The following BUD31 variants were observed in gnomAD, a reference collection of about 807,000 sequenced individuals.
The protein encoded by BUD31 is BUD31 spliceosome associated protein, also known as protein BUD31 homolog.
A neutral mutation model predicts 17.9 loss-of-function variants in BUD31; 9 were observed. The ratio of observed to expected loss-of-function variants is 0.50; its 90% CI spans 0.30 to 0.88. The LOEUF is 0.88. Among genes scored for constraint, BUD31 ranks in the 40% least tolerant of loss-of-function variants. The pLI is 0.06. For synonymous variants in BUD31, 70 were observed against 64.7 expected (o/e 1.08, Z -0.39); for missense variants, 148 against 184.5 (o/e 0.80, Z 1.15).
chr7:99,413,246 CT>C (rs1193954149), intron 3 of BUD31, among the ~76,000 whole-genome samples: 3 of 152,078 alleles, frequency 2.0e-5, no homozygotes, highest in African/African-American at 7.2e-5. Context: ...ACTCTTCGCC[CT>C]TCTGTTCTTC....
chr7:99,411,183 G>C lies in BUD31; in HGVS notation c.91G>C (p.Glu31Gln). ...GGATGAATTAGATCAAAAGATGAGAGAAGGTGAGTAGGGGAGTTCCTGTCT... is the reference window on the plus strand; with the variant it reads ...GGATGAATTAGATCAAAAGATGAGACAAGGTGAGTAGGGGAGTTCCTGTCT... ...TLDELDQKMR[E>Q]AETEPHEGKR... The change falls in exon 3 of 6, where the codon GAA (glutamate) becomes CAA (glutamine). Residue 31 changes from glutamate (E) to glutamine (Q), a missense_variant. Transcript: ENST00000222969. The C allele has an allele frequency of 6.2e-7, 1 of 1,613,708 alleles. No individual in the cohort carries two copies. The highest frequency in any genetic ancestry group is 8.5e-7 in the Non-Finnish European group (1 of 1,179,718).
chr7:99,419,395 G>A lies in BUD31; in HGVS notation c.389G>A (p.Arg130His). 1.9e-6 allele frequency: 3 copies of A among 1,612,934 alleles called. No homozygotes were observed. Among genetic ancestry groups the A allele is most frequent in the Non-Finnish European group, 2.5e-6 (3 of 1,180,002 alleles). ...CACTGTCCTCCTCCGTTGCAGGGCC[G>A]CATCATCGAGTGCACACACTGTGGC... ...RVPKSKLEVG[R>H]IIECTHCGCR... is the part of the protein sequence containing the mutation. The change falls in exon 6 of 6, where the codon CGC becomes CAC. Residue 130 changes from arginine to histidine, a missense_variant. Coordinates refer to ENST00000222969, the MANE Select transcript of BUD31 (RefSeq NM_003910.4).
chr7:99,415,954 ATTTT>A (rs1431754679), intron 3 of BUD31, among the ~76,000 whole-genome samples, 180 bp from the exon 4 acceptor site: 2 of 152,086 alleles, frequency 1.3e-5, no homozygotes, highest in Non-Finnish European at 2.9e-5. Flanking sequence ...TATTTTATTT[ATTTT>A]ATTATACTAG....
rs533689531 is a variant in BUD31 at position 99,409,240 on chromosome 7, C to T, written c.-171C>T. 2 of 152,368 alleles carry T rather than the reference C, an allele frequency of 1.3e-5. No homozygotes were observed. Among genetic ancestry groups the T allele is most frequent in the South Asian group, 2.1e-4 (1 of 4,828 alleles). The allele number at this position is 152,368 out of a possible 1,614,324, so 9.4% of individuals were successfully genotyped here. On this transcript the variant is annotated 5_prime_UTR_variant, in exon 1 of 6. Transcript: ENST00000222969. ...TTCCTCTAGGATTCTCGCGCCGTTT[C>T]CTCTGGTAGGAACGTCTTCTGTGTT...
rs2150911198 is a variant in BUD31, at chr7:99,408,971, CGA to C, written c.-437_-436del. On this transcript the variant is annotated 5_prime_UTR_variant, in exon 1 of 6. Coordinates refer to ENST00000222969, the MANE Select transcript of BUD31 (RefSeq NM_003910.4). ...CGCCTGAAGAGCGGAAGCCTTCTGT[CGA>C]GAAGCAGCTACCCAAGCTCCAGGAG... is the stretch of plus-strand genomic sequence containing the variant. 1 of 161,634 alleles carries C rather than the reference CGA, an allele frequency of 6.2e-6. No homozygotes were observed. Among genetic ancestry groups the C allele is most frequent in the African/African-American group, 2.4e-5 (1 of 41,992 alleles). 10.0% of individuals were successfully genotyped at this position (161,634 alleles called of 1,614,324 possible). A position where few individuals can be genotyped will look rare whatever the true frequency, so the allele number is the denominator to read the frequency against.
intron 3 of BUD31, among the ~76,000 whole-genome samples, chr7:99,415,806 T>C (rs1795411047): frequency 6.6e-6 from 1 of 152,206 alleles, no homozygotes. Context: ...CATCTCTGTA[T>C]AGCCTGGTGT....
intron 2 of BUD31, among the ~76,000 whole-genome samples, chr7:99,410,836 C>G (rs1047897441): frequency 6.6e-6 from 1 of 152,148 alleles, no homozygotes; most frequent in Non-Finnish European, 1.5e-5. Flanking sequence ...CTTCCATTAT[C>G]CCCATTTTAC....
rs754618169 is a variant in BUD31, at chr7:99,419,329, T to C, written c.385-62T>C. 2.9e-5 allele frequency: 46 copies of C among 1,588,816 alleles called. No homozygotes were observed. The East Asian group carries it at 9.6e-4, about 33-fold the overall frequency. ...TCCTTCGTGGGAGGGTTGCCACATA[T>C]GTGAGTGTGCAGGGGCGAGCGTGGC... On this transcript the variant is annotated intron_variant, in intron 5 of 5. Transcript: ENST00000222969.
In BUD31 at chr7:99,416,297, G is replaced by A. The variant is rs145552559; in HGVS notation, c.217+37G>A. ...GTCTCTCTTGGACTTTGAAGCTCGC[G>A]TCACTTTTGGAGTTACTGAACTAAC... On this transcript the variant is annotated intron_variant, in intron 4 of 5. Transcript: ENST00000222969. The A allele has an allele frequency of 2.2e-4, 348 of 1,598,428 alleles. No homozygotes were observed. The East Asian group carries it at 5.4e-3, about 25-fold the overall frequency.
Position 99,419,498 on chromosome 7 carries a change from C to A in BUD31, c.*57C>A, listed in dbSNP as rs1201168036. 39 of 1,595,968 alleles carry A rather than the reference C, an allele frequency of 2.4e-5. No homozygotes were observed. The highest frequency in any genetic ancestry group is 3.3e-5 in the Non-Finnish European group (39 of 1,171,008). On this transcript the variant is annotated 3_prime_UTR_variant, in exon 6 of 6. Coordinates refer to ENST00000222969, the MANE Select transcript of BUD31 (RefSeq NM_003910.4). ...TCGCAGGTTCCTGCCTGTCACGCCA[C>A]CCCCTTCCTGGGAGCAGCGAGCAGT... is the stretch of plus-strand genomic sequence containing the variant.
In BUD31 at chr7:99,411,055, T is replaced by C. The variant is rs1795162928; in HGVS notation, c.-29-9T>C. 6.4e-7 allele frequency: 1 copy of C among 1,567,804 alleles called. No individual in the cohort carries two copies. Among genetic ancestry groups the C allele is most frequent in the Non-Finnish European group, 8.8e-7 (1 of 1,141,550 alleles). On this transcript the variant is annotated splice_polypyrimidine_tract_variant and intron_variant, in intron 2 of 5. Coordinates refer to ENST00000222969, the MANE Select transcript of BUD31 (RefSeq NM_003910.4). ...GAGACTCAGAAACCAATTCATTTTT[T>C]TCCCCCAGATCTTTGCAGATTATCC...
Position 99,419,497 on chromosome 7 carries a change from A to AC in BUD31, c.*61dup. 1 of 1,596,454 alleles carries AC rather than the reference A, an allele frequency of 6.3e-7. No homozygotes were observed. Among genetic ancestry groups the AC allele is most frequent in the Non-Finnish European group, 8.5e-7 (1 of 1,171,638 alleles). On this transcript the variant is annotated 3_prime_UTR_variant, in exon 6 of 6. Coordinates refer to ENST00000222969, the MANE Select transcript of BUD31 (RefSeq NM_003910.4). ...TTCGCAGGTTCCTGCCTGTCACGCC[A>AC]CCCCCTTCCTGGGAGCAGCGAGCAG...
At chr7:99,412,370 AC>A (rs2150920849) in intron 3 of BUD31, among the ~76,000 whole-genome samples, 1 of 152,292 alleles carries the variant, frequency 6.6e-6, no homozygotes, top group Non-Finnish European at 1.5e-5. Context: ...GGAAGGAGGA[AC>A]CCTACTTTGT....
intron 1 of BUD31, among the ~76,000 whole-genome samples, chr7:99,409,456 C>T (rs1323365185): frequency 6.6e-6 from 1 of 152,116 alleles, no homozygotes; most frequent in East Asian, 1.9e-4. Context: ...CTGGTTACCG[C>T]CTACCATTTT....
chr7:99,417,622 T>G (rs563171513), intron 5 of BUD31, 27 bp downstream of exon 5: 62 of 1,607,492 alleles, frequency 3.9e-5, no homozygotes, highest in South Asian at 1.6e-4. Flanking sequence ...AAGCTTGGTG[T>G]TGTTTTCAGC....
intron 5 of BUD31, 117 bp from the exon 6 acceptor site, chr7:99,419,274 A>T (rs111891712): frequency 1.6e-6 from 2 of 1,273,790 alleles, no homozygotes; most frequent in African/African-American, 2.9e-5. Flanking sequence ...AGGGTTTCTG[A>T]GGTGTGTCCC....
chr7:99,417,793 C>G (rs1037924893), intron 5 of BUD31, 198 bp downstream of exon 5: 8 of 1,521,222 alleles, frequency 5.3e-6, no homozygotes, highest in Non-Finnish European at 7.0e-6. Flanking sequence ...TTTGTTAGGT[C>G]TGGGGTCAAT....
At chr7:99,416,481 G>A (rs996411844) in intron 4 of BUD31, among the ~76,000 whole-genome samples, 4 of 151,884 alleles carry the variant, frequency 2.6e-5, no homozygotes, top group African/African-American at 4.8e-5. Context: ...GTGCAGTGGC[G>A]CAATCTTGGC....
At chr7:99,410,216 T>C (rs1795120549) in intron 2 of BUD31, 47 bp downstream of exon 2, 1 of 152,030 alleles carries the variant, frequency 6.6e-6, no homozygotes, top group Admixed American at 6.6e-5. Flanking sequence ...TTATGTTTTG[T>C]TTTGTTTTGT....
Sources: allele counts gnomAD v4.1 joint callset (sites outside exome capture counted in the v4.1 genomes callset), GRCh38; gene constraint gnomAD v4.1.1; transcripts MANE v1.5; gene names NCBI Gene and HGNC (gene_info 2026-07-23, HGNC 2026-07-21).